Variants in NELL2 observed in about 807,000 individuals in gnomAD.
The protein encoded by NELL2 is neural EGFL like 2, also known as protein kinase C-binding protein NELL2.
A neutral mutation model predicts 109.6 loss-of-function variants in NELL2; 41 were observed. The observed-to-expected ratio is 0.37, with a 90% CI of 0.29 to 0.49. The LOEUF (loss-of-function observed/expected upper bound fraction) is 0.49. NELL2 is among the 20% of genes least tolerant of loss of function. NELL2 has a pLI of 0.98. For synonymous variants in NELL2, 355 were observed against 344.7 expected (o/e 1.03, Z -0.33); for missense variants, 900 against 1,008.3 (o/e 0.89, Z 1.45).
At chr12:44,615,356 T>G (rs908676179) in intron 13 of NELL2, among the ~76,000 whole-genome samples, 1 of 152,178 alleles carries the variant, frequency 6.6e-6, no homozygotes, top group Non-Finnish European at 1.5e-5. Flanking sequence ...GAATAATTTA[T>G]AATAATCATA....
chr12:44,534,998 A>G (rs1942232619), intron 15 of NELL2, among the ~76,000 whole-genome samples: 1 of 151,956 alleles, frequency 6.6e-6, no homozygotes. Flanking sequence ...GCCCACTCCT[A>G]TACTGCCTCA....
chr12:44,558,926 T>C (rs1943362046), intron 15 of NELL2, among the ~76,000 whole-genome samples: 1 of 152,162 alleles, frequency 6.6e-6, no homozygotes, highest in Non-Finnish European at 1.5e-5. Context: ...ATCCACTATC[T>C]TGAAATTCTT....
At chr12:44,805,079 T>C (rs965872886) in intron 3 of NELL2, among the ~76,000 whole-genome samples, 3 of 151,842 alleles carry the variant, frequency 2.0e-5, no homozygotes, top group Admixed American at 2.0e-4. Context: ...AATATGTATA[T>C]ACACTTTATG....
At chr12:44,604,902 T>C (rs2136243469) in intron 15 of NELL2, among the ~76,000 whole-genome samples, 1 of 152,106 alleles carries the variant, frequency 6.6e-6, no homozygotes, top group Middle Eastern at 3.4e-3. Flanking sequence ...ATAGAAAAAA[T>C]GGACCCTGGT....
At chr12:44,623,019 T>C (rs1386538183) in intron 13 of NELL2, among the ~76,000 whole-genome samples, 1 of 152,156 alleles carries the variant, frequency 6.6e-6, no homozygotes, top group Admixed American at 6.6e-5. Flanking sequence ...TCTAACATTT[T>C]AGAGCTAATA....
chr12:44,843,421 T>C (rs1460948003), intron 2 of NELL2, among the ~76,000 whole-genome samples: 1 of 152,172 alleles, frequency 6.6e-6, no homozygotes, highest in Non-Finnish European at 1.5e-5. Context: ...GTGGAACAAC[T>C]GGAACTTTGA....
chr12:44,856,636 C>T (rs1270569745), intron 2 of NELL2, among the ~76,000 whole-genome samples: 1 of 152,020 alleles, frequency 6.6e-6, no homozygotes, highest in African/African-American at 2.4e-5. Flanking sequence ...AGAGTACCTG[C>T]CTGGCATGTT....
rs937076797 is a variant in NELL2, at chr12:44,703,741, T to G, written c.1303A>C (p.Asn435His). 1 of 1,613,358 alleles carries G rather than the reference T, an allele frequency of 6.2e-7. No homozygotes were observed. The highest frequency in any genetic ancestry group is 1.3e-5 in the African/African-American group (1 of 74,854). Residue 435 changes from asparagine to histidine, a missense_variant, in exon 12 of 20, where the codon AAT becomes CAT. Asn to His is a moderately conservative substitution (Grantham distance 68). Coordinates refer to ENST00000429094, the MANE Select transcript of NELL2 (RefSeq NM_001145108.2). ...CAAGGATTACCTTCACAGTAGGCATTATCCTCTCGAAGAGCCCTAAAACCA... is the reference window on the plus strand; with the variant it reads ...CAAGGATTACCTTCACAGTAGGCATGATCCTCTCGAAGAGCCCTAAAACCA... ...RDGFRALRED[N>H]AYCEDIDECA...
At position 44,876,041 on chromosome 12, in the gene NELL2, C is replaced by G; in HGVS notation, c.-172G>C. ...TGCCTAAGAAAGAAAAGGGAGGCCT[C>G]CCCAGGCGCGTGAAGAACTTAGACC... On this transcript the variant is annotated 5_prime_UTR_variant, in exon 1 of 20. Coordinates refer to ENST00000429094, the MANE Select transcript of NELL2 (RefSeq NM_001145108.2). 1 of 1,476,400 alleles carries G rather than the reference C, an allele frequency of 6.8e-7. No homozygotes were observed. Among genetic ancestry groups the G allele is most frequent in the South Asian group, 1.4e-5 (1 of 73,372 alleles). The allele number at this position is 1,476,400 out of a possible 1,614,324, so 91.5% of individuals were successfully genotyped here.
At chr12:44,794,979 T>C (rs1202281565) in intron 3 of NELL2, among the ~76,000 whole-genome samples, 2 of 152,232 alleles carry the variant, frequency 1.3e-5, no homozygotes, top group Admixed American at 6.5e-5. Flanking sequence ...TTTATGCCCT[T>C]GTTAGTCAAA....
rs763406002 is a variant in NELL2, at chr12:44,592,404, T to C, written c.1663+14765A>G. 3.5e-4 allele frequency among the ~76,000 whole-genome samples: 53 copies of C among 152,176 alleles called. 1 individual carries two copies. Among genetic ancestry groups the C allele is most frequent in the Middle Eastern group, 3.2e-3 (1 of 316 alleles). ...GAAAAGGTCTTGATTTAGGAAAATA[T>C]CTTGATTACTTCTTTGGGTAGAGAA... On this transcript the variant is annotated intron_variant, in intron 15 of 19. Coordinates refer to ENST00000429094, the MANE Select transcript of NELL2 (RefSeq NM_001145108.2).
At chr12:44,525,499 C>T (rs1233433100) in intron 16 of NELL2, among the ~76,000 whole-genome samples, 1 of 152,192 alleles carries the variant, frequency 6.6e-6, no homozygotes, top group Non-Finnish European at 1.5e-5. Context: ...TTATTATCTA[C>T]ACTGGCTCTG....
chr12:44,834,059 C>T (rs1369129448), intron 2 of NELL2, among the ~76,000 whole-genome samples: 2 of 152,110 alleles, frequency 1.3e-5, no homozygotes, highest in Non-Finnish European at 2.9e-5. Context: ...GGCATTTCCA[C>T]CTCAATACCA....
At chr12:44,807,634 A>C (rs1403930334) in intron 3 of NELL2, among the ~76,000 whole-genome samples, 1 of 152,042 alleles carries the variant, frequency 6.6e-6, no homozygotes, top group Non-Finnish European at 1.5e-5. Context: ...CCAAGTGAAG[A>C]AAAGGTTAAA....
At chr12:44,847,763 T>C (rs931928432) in intron 2 of NELL2, among the ~76,000 whole-genome samples, 3 of 151,798 alleles carry the variant, frequency 2.0e-5, no homozygotes, top group Non-Finnish European at 4.4e-5. Flanking sequence ...CTGTATTAAA[T>C]AAGTATCAAA....
chr12:44,589,318 A>C (rs946711082), intron 15 of NELL2, among the ~76,000 whole-genome samples: 1 of 152,020 alleles, frequency 6.6e-6, no homozygotes, highest in Non-Finnish European at 1.5e-5. Context: ...TATGGCATTA[A>C]TTTTAAAAGA....
chr12:44,909,240 T>C (rs1381979083), intron 1 of NELL2, among the ~76,000 whole-genome samples: 1 of 151,928 alleles, frequency 6.6e-6, no homozygotes, highest in Non-Finnish European at 1.5e-5. Context: ...AGTTTCAGAA[T>C]ATAAAATCAA....
At chr12:44,834,390 C>T (rs1943982147) in intron 2 of NELL2, among the ~76,000 whole-genome samples, 1 of 148,942 alleles carries the variant, frequency 6.7e-6, no homozygotes, top group Non-Finnish European at 1.5e-5. Context: ...TGTATATATA[C>T]ATTTCTAGTT....
chr12:44,631,507 G>T (rs971262552), intron 13 of NELL2, among the ~76,000 whole-genome samples: 20 of 152,018 alleles, frequency 1.3e-4, no homozygotes, highest in African/African-American at 3.4e-4. Context: ...CATAAAGACG[G>T]CAACAGCGGA....
Sources: allele counts gnomAD v4.1 joint callset (sites outside exome capture counted in the v4.1 genomes callset), GRCh38; gene constraint gnomAD v4.1.1; transcripts MANE v1.5; gene names NCBI Gene and HGNC (gene_info 2026-07-23, HGNC 2026-07-21).